KCNAB1: variants seen among roughly 807,000 people sequenced by gnomAD.
The protein encoded by KCNAB1 is voltage-gated potassium channel subunit beta-1.
KCNAB1 carries 35 observed loss-of-function variants against 64.6 expected under a neutral mutation model. That is an observed-to-expected ratio of 0.54 (90% CI 0.41 to 0.72). The LOEUF (loss-of-function observed/expected upper bound fraction) is 0.72, where lower values mean the gene tolerates loss of function less well. Ranked by LOEUF, KCNAB1 falls within the 30% of genes least tolerant of loss-of-function variation. The probability of loss-of-function intolerance (pLI) is 0.00; values close to 1 mark genes in which losing one functional copy is unlikely to be tolerated. For synonymous variants in KCNAB1, 177 were observed against 183.8 expected (o/e 0.96, Z 0.30); for missense variants, 401 against 512.9 (o/e 0.78, Z 2.11).
At chr3:156,343,366 T>G (rs188825969) in intron 1 of KCNAB1, among the ~76,000 whole-genome samples, 1 of 152,312 alleles carries the variant, frequency 6.6e-6, no homozygotes, top group East Asian at 1.9e-4. Flanking sequence ...TAAAACAGAT[T>G]GGCTTCTGGC....
rs577265749 is a variant in KCNAB1, at chr3:156,190,789, G to T, written c.275+69903G>T. Among the ~76,000 whole-genome samples, 13 of 152,240 alleles carry T rather than the reference G, an allele frequency of 8.5e-5. 1 individual carries two copies. The South Asian group carries it at 1.9e-3, about 22-fold the overall frequency. On this transcript the variant is annotated intron_variant, in intron 1 of 13. Transcript: ENST00000490337. ...GCTCACTGCAAACTCCACCTCCTAG[G>T]TTTAAGAGATTCTCCTGCCTCAGTC...
At chr3:156,416,533 G>A (rs938587354) in intron 1 of KCNAB1, among the ~76,000 whole-genome samples, 5 of 152,116 alleles carry the variant, frequency 3.3e-5, no homozygotes, top group Non-Finnish European at 5.9e-5. Flanking sequence ...TCCTAACCAC[G>A]CATATTAGGT....
At chr3:156,514,980 C>A (rs749566266) in intron 9 of KCNAB1, 120 bp from the exon 10 acceptor site, 107 of 973,798 alleles carry the variant, frequency 1.1e-4, no homozygotes, top group Non-Finnish European at 1.5e-4. Flanking sequence ...TATTTGGCAT[C>A]CTACATGTTT....
intron 1 of KCNAB1, among the ~76,000 whole-genome samples, chr3:156,240,474 C>A (rs957906862): frequency 8.5e-5 from 13 of 152,154 alleles, no homozygotes; most frequent in African/African-American, 3.1e-4. Flanking sequence ...GTTCTCCTGA[C>A]TCCCTCTCCA....
chr3:156,465,480 A>C (rs1184350932), intron 6 of KCNAB1, among the ~76,000 whole-genome samples, 163 bp from the exon 7 acceptor site: 1 of 151,696 alleles, frequency 6.6e-6, no homozygotes, highest in Non-Finnish European at 1.5e-5. Flanking sequence ...TCCAAAGAAA[A>C]GGGGTTCAGT....
intron 1 of KCNAB1, among the ~76,000 whole-genome samples, chr3:156,175,091 A>G (rs147183606): frequency 6.6e-6 from 1 of 152,192 alleles, no homozygotes; most frequent in East Asian, 1.9e-4. Context: ...GTGAGTTTGG[A>G]TTTTTACCCC....
intron 1 of KCNAB1, among the ~76,000 whole-genome samples, chr3:156,420,079 T>A (rs1038145797): frequency 6.6e-6 from 1 of 152,262 alleles, no homozygotes; most frequent in Non-Finnish European, 1.5e-5. Flanking sequence ...TTTCTTCCAG[T>A]TGGACATGTC....
chr3:156,137,712 ATTTTTT>A (rs66960245), intron 1 of KCNAB1, among the ~76,000 whole-genome samples: 9 of 141,060 alleles, frequency 6.4e-5, no homozygotes, highest in Non-Finnish European at 1.4e-4. Flanking sequence ...CGTCTGGCTA[ATTTTTT>A]TTTTTTTTTG....
At chr3:156,475,066 A>C (rs1430755631) in intron 8 of KCNAB1, among the ~76,000 whole-genome samples, 1 of 152,170 alleles carries the variant, frequency 6.6e-6, no homozygotes, top group African/African-American at 2.4e-5. Context: ...TACAGTGCTC[A>C]CCTTTTCCAG....
chr3:156,525,482 A>G (rs1325063887), intron 12 of KCNAB1, among the ~76,000 whole-genome samples: 4 of 152,212 alleles, frequency 2.6e-5, no homozygotes, highest in Non-Finnish European at 4.4e-5. Context: ...GTTTTAAGCT[A>G]TGTTATTACA....
rs980432495 is a variant in KCNAB1, at chr3:156,476,133, ACT to A, written c.658+1316_658+1317del. 4.6e-5 allele frequency among the ~76,000 whole-genome samples: 7 copies of A among 151,630 alleles called. No individual in the cohort carries two copies. In the South Asian group the frequency reaches 6.2e-4, roughly 14 times the overall value. On this transcript the variant is annotated intron_variant, in intron 8 of 13. Transcript: ENST00000490337. ...TGCAAGGATAATATGACGTTATTCAACTCTTTTTTTTATTTTTTATCTTATTT... is the reference window on the plus strand; with the variant it reads ...TGCAAGGATAATATGACGTTATTCAACTTTTTTTTATTTTTTATCTTATTT...
intron 1 of KCNAB1, among the ~76,000 whole-genome samples, chr3:156,204,802 A>G (rs961902596): frequency 4.6e-5 from 7 of 152,306 alleles, no homozygotes; most frequent in Middle Eastern, 3.4e-3. Context: ...ACTGCACTCC[A>G]GTCTGGGCGA....
intron 12 of KCNAB1, among the ~76,000 whole-genome samples, chr3:156,530,321 T>C (rs1718615278): frequency 6.6e-6 from 1 of 152,104 alleles, no homozygotes; most frequent in South Asian, 2.1e-4. Context: ...AGGATATGGA[T>C]GTGGATGCTT....
chr3:156,515,247 G>T (rs760955727), intron 10 of KCNAB1, 27 bp downstream of exon 10: 10 of 1,582,200 alleles, frequency 6.3e-6, no homozygotes, highest in Non-Finnish European at 8.6e-6. Flanking sequence ...AAGCTACTGA[G>T]TATTTTTAAC....
intron 1 of KCNAB1, among the ~76,000 whole-genome samples, chr3:156,350,200 A>G (rs1043174365): frequency 6.6e-6 from 1 of 152,236 alleles, no homozygotes; most frequent in African/African-American, 2.4e-5. Context: ...GCACATGAGT[A>G]CAGATGTTTA....
intron 8 of KCNAB1, among the ~76,000 whole-genome samples, chr3:156,499,819 C>T (rs1262686847): frequency 2.6e-5 from 4 of 152,114 alleles, no homozygotes; most frequent in Non-Finnish European, 4.4e-5. Flanking sequence ...AAGGTAGGCA[C>T]TCAGTAGAGT....
At chr3:156,172,131 G>A (rs886776275) in intron 1 of KCNAB1, among the ~76,000 whole-genome samples, 11 of 152,224 alleles carry the variant, frequency 7.2e-5, no homozygotes, top group African/African-American at 2.2e-4. Context: ...AATTTTCTTC[G>A]TATCTGTATT....
chr3:156,318,671 C>T (rs1009023470), intron 1 of KCNAB1, among the ~76,000 whole-genome samples: 2 of 152,192 alleles, frequency 1.3e-5, no homozygotes, highest in African/African-American at 4.8e-5. Context: ...AGTAGACAAG[C>T]AAGCAAGCTG....
chr3:156,173,482 T>C (rs6441043), intron 1 of KCNAB1, among the ~76,000 whole-genome samples: 152,274 of 152,324 alleles, frequency 1, 76,112 homozygotes, highest in Middle Eastern at 1. Context: ...GAGCAATTAC[T>C]GTCCAGTGGT....
Sources: gnomAD v4.1 joint callset for allele counts (sites outside exome capture counted in the v4.1 genomes callset) on GRCh38, gnomAD v4.1.1 for gene constraint, MANE v1.5 for transcripts, NCBI Gene and HGNC (gene_info 2026-07-23, HGNC 2026-07-21) for gene names.